The following PDE1C variants were observed in gnomAD, a reference collection of about 807,000 sequenced individuals.
PDE1C encodes dual specificity calcium/calmodulin-dependent 3',5'-cyclic nucleotide phosphodiesterase 1C.
Under a neutral mutation model 93.1 loss-of-function variants are expected in PDE1C, and 62 were observed. The ratio of observed to expected loss-of-function variants is 0.67; its 90% CI spans 0.54 to 0.82. The LOEUF (loss-of-function observed/expected upper bound fraction) is 0.82. PDE1C is among the 40% of genes least tolerant of loss of function. The pLI is 0.00. For synonymous variants in PDE1C, 325 were observed against 310.1 expected (o/e 1.05, Z -0.50); for missense variants, 742 against 884.6 (o/e 0.84, Z 2.04).
At chr7:31,828,239 T>C in intron 12 of PDE1C, 53 bp downstream of exon 12, 1 of 1,452,728 alleles carries the variant, frequency 6.9e-7, no homozygotes, top group Non-Finnish European at 9.7e-7. Context: ...CTGTGCTTAC[T>C]TCTACAGGCT....
chr7:32,206,727 C>G (rs989790266), intron 2 of PDE1C, among the ~76,000 whole-genome samples: 2 of 152,246 alleles, frequency 1.3e-5, no homozygotes, highest in Non-Finnish European at 2.9e-5. Flanking sequence ...CTAGCTCACC[C>G]TGCCCACTGC....
At chr7:32,123,636 C>T (rs1799417731) in intron 3 of PDE1C, among the ~76,000 whole-genome samples, 1 of 152,144 alleles carries the variant, frequency 6.6e-6, no homozygotes, top group East Asian at 1.9e-4. Context: ...GCAGAAAGGG[C>T]CTTCGATAAA....
At chr7:31,814,976 T>C (rs1788049907) in intron 15 of PDE1C, among the ~76,000 whole-genome samples, 1 of 151,908 alleles carries the variant, frequency 6.6e-6, no homozygotes, top group Admixed American at 6.6e-5. Context: ...ACTTCCTGCC[T>C]GCCCCTAAAC....
the PDE1C span, among the ~76,000 whole-genome samples, chr7:31,669,440 A>G: frequency 1.3e-5 from 2 of 152,214 alleles, no homozygotes; most frequent in African/African-American, 4.8e-5. Context: ...ATTTGTATTT[A>G]TAAAGGAAGT....
intron 17 of PDE1C, among the ~76,000 whole-genome samples, chr7:31,757,359 C>T (rs150536018): frequency 4.6e-5 from 7 of 152,226 alleles, no homozygotes; most frequent in African/African-American, 9.6e-5. Context: ...CTATGATGAT[C>T]ATGTTCTAGT....
intron 1 of PDE1C, among the ~76,000 whole-genome samples, chr7:32,361,742 T>A (rs2128085453): frequency 6.6e-6 from 1 of 152,292 alleles, no homozygotes; most frequent in South Asian, 2.1e-4. Flanking sequence ...TGTACATCTC[T>A]TTCTCATACC....
chr7:32,128,906 AATATATATAT>A (rs763801947), intron 3 of PDE1C, among the ~76,000 whole-genome samples: 3,458 of 55,788 alleles, frequency 0.062, 223 homozygotes, highest in Non-Finnish European at 0.082. Context: ...AAGTATAACA[AATATATATAT>A]ATATATATAT....
At chr7:31,959,227 T>C (rs755846868) in intron 2 of PDE1C, among the ~76,000 whole-genome samples, 1 of 151,824 alleles carries the variant, frequency 6.6e-6, no homozygotes, top group Non-Finnish European at 1.5e-5. Flanking sequence ...TGTTTGTTTT[T>C]TGAGACACAG....
chr7:32,294,198 C>T (rs887612542), intron 1 of PDE1C, among the ~76,000 whole-genome samples: 1 of 152,172 alleles, frequency 6.6e-6, no homozygotes, highest in Non-Finnish European at 1.5e-5. Flanking sequence ...CTCAAGCCTC[C>T]GATTGCTGTC....
intron 1 of PDE1C, among the ~76,000 whole-genome samples, chr7:32,234,491 G>A (rs35594464): frequency 6.6e-6 from 1 of 152,006 alleles, no homozygotes; most frequent in East Asian, 1.9e-4. Flanking sequence ...ACTATGAACT[G>A]TATGCACATA....
intron 3 of PDE1C, among the ~76,000 whole-genome samples, chr7:32,150,548 A>G (rs1801178044): frequency 6.6e-6 from 1 of 151,740 alleles, no homozygotes; most frequent in Non-Finnish European, 1.5e-5. Context: ...AACCATTAAA[A>G]CTCACCTGAG....
chr7:32,078,041 T>C, intron 3 of PDE1C: 6 of 985,276 alleles, frequency 6.1e-6, no homozygotes, highest in Non-Finnish European at 7.2e-6. Context: ...TATAATTAAC[T>C]TGGCTGTACT....
intron 1 of PDE1C, among the ~76,000 whole-genome samples, chr7:32,417,131 A>G (rs1785290974): frequency 6.6e-6 from 1 of 152,134 alleles, no homozygotes; most frequent in Non-Finnish European, 1.5e-5. Flanking sequence ...AGCATTTACC[A>G]CGAGCTGAGC....
chr7:32,292,063 T>G (rs1812366909), intron 1 of PDE1C, among the ~76,000 whole-genome samples: 3 of 152,208 alleles, frequency 2.0e-5, no homozygotes, highest in South Asian at 4.1e-4. Context: ...CCAATAATAA[T>G]AGTTCACAAT....
the PDE1C span, among the ~76,000 whole-genome samples, chr7:31,639,582 G>C: frequency 1.9e-4 from 28 of 148,378 alleles, no homozygotes; most frequent in East Asian, 5.6e-3. Context: ...TGTCTCCCAG[G>C]CTGGAGTGCA....
At chr7:31,677,700 T>C in the PDE1C span, among the ~76,000 whole-genome samples, 78 of 152,302 alleles carry the variant, frequency 5.1e-4, no homozygotes, top group African/African-American at 1.5e-3. Context: ...AGAAAACTTC[T>C]AGGCTTTTTC....
the PDE1C span, among the ~76,000 whole-genome samples, chr7:31,617,779 TAATAAAGATAA>T: frequency 6.6e-6 from 1 of 152,130 alleles, no homozygotes; most frequent in African/African-American, 2.4e-5. Flanking sequence ...AAATTGAAGA[TAATAAAGATAA>T]AATGAAAATG....
At position 31,985,444 on chromosome 7, in the gene PDE1C, T is replaced by C. The variant is rs1783252006; in HGVS notation, c.128+66110A>G. Among the ~76,000 whole-genome samples, 3 of 152,204 alleles carry C rather than the reference T, an allele frequency of 2.0e-5. No individual in the cohort carries two copies. In the South Asian group the frequency reaches 6.2e-4, roughly 32 times the overall value. ...TATTTATTTATTTTGTTATTATACT[T>C]TAAGTTCTAGGGAACATGTGCACAA... On this transcript the variant is annotated intron_variant, in intron 2 of 17. Coordinates refer to ENST00000396191, the MANE Select transcript of PDE1C (RefSeq NM_001191057.4).
At chr7:32,155,223 T>C (rs895034361) in intron 3 of PDE1C, among the ~76,000 whole-genome samples, 6 of 152,242 alleles carry the variant, frequency 3.9e-5, no homozygotes, top group Non-Finnish European at 7.3e-5. Context: ...CCAAACTGTC[T>C]GGCTTTGAAT....
Sources: gnomAD v4.1 joint callset for allele counts (sites outside exome capture counted in the v4.1 genomes callset) on GRCh38, gnomAD v4.1.1 for gene constraint, MANE v1.5 for transcripts, NCBI Gene and HGNC (gene_info 2026-07-23, HGNC 2026-07-21) for gene names.